AVPR1A: variants seen among roughly 807,000 people sequenced by gnomAD.
AVPR1A encodes vasopressin V1a receptor.
In AVPR1A, 31 loss-of-function variants were observed where a neutral mutation model predicts 31.5. That is an observed-to-expected ratio of 0.99 (90% CI 0.74 to 1.33). AVPR1A has a LOEUF of 1.33. Among genes scored for constraint, AVPR1A ranks in the 40% most tolerant of loss-of-function variants. The pLI is 0.00. For synonymous variants in AVPR1A, 243 were observed against 233.2 expected, an observed-to-expected ratio of 1.04 and a Z score of -0.38; for missense variants, 570 against 575.2, an observed-to-expected ratio of 0.99 and a Z score of 0.09.
chr12:63,150,815 C>T lies in AVPR1A; in HGVS notation c.22G>A (p.Asp8Asn), dbSNP rs778188513. 2 of 1,589,448 alleles carry T rather than the reference C, an allele frequency of 1.3e-6. No homozygotes were observed. Among genetic ancestry groups the T allele is most frequent in the South Asian group, 1.1e-5 (1 of 90,512 alleles). Residue 8 changes from aspartate (D) to asparagine (N), a missense_variant, in exon 1 of 2, where the codon GAC becomes AAC. By Grantham distance (23) the Asp-to-Asn change is conservative. Transcript: ENST00000299178. The surrounding 1 kb of genome is among the most constrained non-coding windows in gnomAD (Gnocchi z 4.9). The stretch of plus-strand genomic sequence containing the variant: ...CTGGAGTTGCCCGAGGGCCCCGCGT[C>T]GGGACCGGCGGAGAGACGCATGCTG... MRLSAGP[D>N]AGPSGNSSPW... is the part of the protein sequence containing the mutation.
At position 63,145,511 on chromosome 12, in the gene AVPR1A, G is replaced by A. The variant is rs1171837970; in HGVS notation, c.*1848C>T. ...GTGGTGGCACATGCATATAGTCCCA[G>A]CTACTCGGGAGGCTGAGGCAGGAGA... On this transcript the variant is annotated 3_prime_UTR_variant, in exon 2 of 2. Transcript: ENST00000299178. The A allele has an allele frequency of 2.9e-6, 1 of 347,910 alleles. No individual in the cohort carries two copies. Among genetic ancestry groups the A allele is most frequent in the Non-Finnish European group, 5.5e-6 (1 of 180,416 alleles). The allele number at this position is 347,910 out of a possible 1,614,324, so 21.6% of individuals were successfully genotyped here.
In AVPR1A at chr12:63,146,925, CAT is replaced by C. The variant is rs1458445392; in HGVS notation, c.*432_*433del. On this transcript the variant is annotated 3_prime_UTR_variant, in exon 2 of 2. Coordinates refer to ENST00000299178, the MANE Select transcript of AVPR1A (RefSeq NM_000706.5). ...ACAAATTAATTTTAATGGATGAAAA[CAT>C]AATTTCTCTGAAGTTTTCTCTGAAT... The C allele has an allele frequency of 1.2e-5, 2 of 165,928 alleles. No individual in the cohort carries two copies. Among genetic ancestry groups the C allele is most frequent in the Non-Finnish European group, 2.6e-5 (2 of 75,786 alleles). 10.3% of individuals were successfully genotyped at this position (165,928 alleles called of 1,614,324 possible). A position where few individuals can be genotyped will look rare whatever the true frequency, so the allele number is the denominator to read the frequency against.
In AVPR1A at chr12:63,145,632, A is replaced by G. The variant is rs915862351; in HGVS notation, c.*1727T>C. 1.1e-5 allele frequency: 2 copies of G among 177,904 alleles called. No homozygotes were observed. Among genetic ancestry groups the G allele is most frequent in the African/African-American group, 2.4e-5 (1 of 42,060 alleles). 11.0% of individuals were successfully genotyped at this position (177,904 alleles called of 1,614,324 possible). A position where few individuals can be genotyped will look rare whatever the true frequency, so the allele number is the denominator to read the frequency against. ...GAGCAAGACTCTGTTTCAAAAAAAA[A>G]AAAAGCAACTATTACTTCCTCTTAA... On this transcript the variant is annotated 3_prime_UTR_variant, in exon 2 of 2. Transcript: ENST00000299178.
At position 63,150,569 on chromosome 12, in the gene AVPR1A, T is replaced by G; in HGVS notation, c.268A>C (p.Ile90Leu). ...PRKTSRMHLF[I>L]RHLSLADLAV... ...AGGTCGGCCAGGCTGAGGTGTCGGATGAAGAGGTGCATGCGGGACGTCTTG... is the reference window on the plus strand; with the variant it reads ...AGGTCGGCCAGGCTGAGGTGTCGGAGGAAGAGGTGCATGCGGGACGTCTTG... The change falls in exon 1 of 2, where the codon ATC (isoleucine) becomes CTC (leucine). Residue 90 changes from isoleucine to leucine, a missense_variant. Physicochemically the swap from Ile to Leu is conservative, Grantham distance 5. Transcript: ENST00000299178. The surrounding 1 kb of genome is among the most constrained non-coding windows in gnomAD (Gnocchi z 4.9). 1 of 1,612,618 alleles carries G rather than the reference T, an allele frequency of 6.2e-7. No individual in the cohort carries two copies. The highest frequency in any genetic ancestry group is 1.6e-4 in the Middle Eastern group (1 of 6,062).
Position 63,150,348 on chromosome 12 carries a change from G to T in AVPR1A, c.489C>A (p.Pro163=), listed in dbSNP as rs745537191. The T allele has an allele frequency of 7.4e-6, 12 of 1,613,768 alleles. No homozygotes were observed. Among genetic ancestry groups the T allele is most frequent in the Non-Finnish European group, 8.5e-6 (10 of 1,180,012 alleles). Residue 163 remains proline, a synonymous_variant, in exon 1 of 2, where the codon CCC becomes CCA. Transcript: ENST00000299178. The surrounding 1 kb of genome is among the most constrained non-coding windows in gnomAD (Gnocchi z 4.9). ...CGATCATGAGGCGCGAGCGGCGCGC[G>T]GGCTGTTGCAGAGTCTTGAGCGGGT... ...VCHPLKTLQQ[P]ARRSRLMIAA... is the part of the protein sequence containing the mutation.
Position 63,150,886 on chromosome 12 carries a change from G to A in AVPR1A, c.-50C>T, listed in dbSNP as rs911028867. The stretch of plus-strand genomic sequence containing the variant: ...CCCTCTTCGGAGCTCCAGCCCTCGC[G>A]GGCCGCTCCCTCCCCGTCTCGGAGG... On this transcript the variant is annotated 5_prime_UTR_variant, in exon 1 of 2. Coordinates refer to ENST00000299178, the MANE Select transcript of AVPR1A (RefSeq NM_000706.5). The surrounding 1 kb of genome is among the most constrained non-coding windows in gnomAD (Gnocchi z 4.9). 1 of 1,462,104 alleles carries A rather than the reference G, an allele frequency of 6.8e-7. No individual in the cohort carries two copies. The highest frequency in any genetic ancestry group is 1.4e-5 in the South Asian group (1 of 71,334). 90.6% of individuals were successfully genotyped at this position (1,462,104 alleles called of 1,614,324 possible). A position where few individuals can be genotyped will look rare whatever the true frequency, so the allele number is the denominator to read the frequency against.
At position 63,144,593 on chromosome 12, in the gene AVPR1A, C is replaced by T. The variant is rs149808818; in HGVS notation, c.*2766G>A. ...TCAAGAAAAGGAAAACTTCCCTTCCCGGAATACTTTTTCAGTTTCTCTTCT... is the reference window on the plus strand; with the variant it reads ...TCAAGAAAAGGAAAACTTCCCTTCCTGGAATACTTTTTCAGTTTCTCTTCT... On this transcript the variant is annotated 3_prime_UTR_variant, in exon 2 of 2. Coordinates refer to ENST00000299178, the MANE Select transcript of AVPR1A (RefSeq NM_000706.5). The T allele has an allele frequency of 4.6e-5, 7 of 152,260 alleles. No homozygotes were observed. The highest frequency in any genetic ancestry group is 9.6e-5 in the African/African-American group (4 of 41,564). The allele number at this position is 152,260 out of a possible 1,614,324, so 9.4% of individuals were successfully genotyped here. A position where few individuals can be genotyped will look rare whatever the true frequency, so the allele number is the denominator to read the frequency against.
rs1868339781 is a variant in AVPR1A, at chr12:63,144,089, T to A, written c.*3270A>T. 1 of 148,860 alleles carries A rather than the reference T, an allele frequency of 6.7e-6. No individual in the cohort carries two copies. The highest frequency in any genetic ancestry group is 1.5e-5 in the Non-Finnish European group (1 of 67,872). The allele number at this position is 148,860 out of a possible 1,614,324, so 9.2% of individuals were successfully genotyped here. A position where few individuals can be genotyped will look rare whatever the true frequency, so the allele number is the denominator to read the frequency against. On this transcript the variant is annotated 3_prime_UTR_variant, in exon 2 of 2. Transcript: ENST00000299178. ...GTAATAAGCTTGGCAGGGTCCTGTG[T>A]ATCATTAAGACTGCTTAGTATTTTT...
Position 63,150,437 on chromosome 12 carries a change from C to A in AVPR1A, c.400G>T (p.Gly134Cys), listed in dbSNP as rs769533111. 6.2e-7 allele frequency: 1 copy of A among 1,613,524 alleles called. No individual in the cohort carries two copies. The highest frequency in any genetic ancestry group is 8.5e-7 in the Non-Finnish European group (1 of 1,179,864). The change falls in exon 1 of 2, where the codon GGC (glycine) becomes TGC (cysteine). Residue 134 changes from glycine to cysteine, a missense_variant. Coordinates refer to ENST00000299178, the MANE Select transcript of AVPR1A (RefSeq NM_000706.5). This position sits in a 1 kb window ranked among gnomAD's most constrained non-coding sequence, Gnocchi z 4.9. Reference sequence around the variant, plus strand: ...AGCATGTAGGCCGACGCAAACATGCCGAACACCTGCAGGTGCTTCACCACG... The same window carrying A: ...AGCATGTAGGCCGACGCAAACATGCAGAACACCTGCAGGTGCTTCACCACG... The part of the protein sequence containing the change: ...CRVVKHLQVF[G>C]MFASAYMLVV...
In AVPR1A at chr12:63,144,866, G is replaced by C. The variant is rs10784339; in HGVS notation, c.*2493C>G. On this transcript the variant is annotated 3_prime_UTR_variant, in exon 2 of 2. Transcript: ENST00000299178. ...ACATTTAAAAGGAGAAAATACAACT[G>C]GGTAGGGTGATATGCACTTTTTTTT... The C allele has an allele frequency of 0.28, 42,354 of 152,810 alleles. 8,035 individuals carry two copies. The highest frequency in any genetic ancestry group is 0.54 in the African/African-American group (22,356 of 41,462). 9.5% of individuals were successfully genotyped at this position (152,810 alleles called of 1,614,324 possible).
rs1868441783 is a variant in AVPR1A at position 63,150,239 on chromosome 12, C to T, written c.598G>A (p.Ala200Thr). ...SMIEVNNVTKARDCWATFIQP... is the reference protein window; with the variant it reads ...SMIEVNNVTKTRDCWATFIQP... ...ATGAAGGTGGCCCAGCAGTCGCGGG[C>T]CTTGGTGACATTGTTCACCTCGATC... Residue 200 changes from alanine to threonine, a missense_variant, in exon 1 of 2, where the codon GCC becomes ACC. Physicochemically the swap from Ala to Thr is moderately conservative, Grantham distance 58 (BLOSUM62 0). Transcript: ENST00000299178. The surrounding 1 kb of genome is among the most constrained non-coding windows in gnomAD (Gnocchi z 4.9). 2 of 1,613,902 alleles carry T rather than the reference C, an allele frequency of 1.2e-6. No homozygotes were observed. Among genetic ancestry groups the T allele is most frequent in the Non-Finnish European group, 8.5e-7 (1 of 1,180,046 alleles).
rs1160429382 is a variant in AVPR1A at position 63,147,443 on chromosome 12, AT to A, written c.1172del (p.Asn391IlefsTer36). 1 of 1,614,088 alleles carries A rather than the reference AT, an allele frequency of 6.2e-7. No homozygotes were observed. On this transcript the variant is annotated frameshift_variant, in exon 2 of 2. Transcript: ENST00000299178. LOFTEE classifies it high-confidence loss of function. ...MSRRQTFYSNNRSPTNSTGMW... is the reference protein window; with the variant it reads ...MSRRQTFYSNXRSPTNSTGMW... Reference sequence around the variant, plus strand: ...TACCCGTACTGTTTGTTGGGCTTCGATTGTTAGAATAAAAAGTCTGTCTTCT... The same window carrying A: ...TACCCGTACTGTTTGTTGGGCTTCGATGTTAGAATAAAAAGTCTGTCTTCT...
In AVPR1A at chr12:63,150,104, AC is replaced by A. The variant is rs763805398; in HGVS notation, c.732del (p.Trp244CysfsTer36). 2.9e-5 allele frequency: 46 copies of A among 1,613,892 alleles called. No homozygotes were observed. Among genetic ancestry groups the A allele is most frequent in the Admixed American group, 1.0e-4 (6 of 60,002 alleles). ...GACGCCGTCTTCCCGCGGACGTTGC[AC>A]CAGATGTTGTAGCAGATGAAGCCGT... The part of the protein sequence containing the change: ...TCYGFICYNI[W>X]CNVRGKTASR... On this transcript the variant is annotated frameshift_variant, in exon 1 of 2. Coordinates refer to ENST00000299178, the MANE Select transcript of AVPR1A (RefSeq NM_000706.5). LOFTEE classifies it high-confidence loss of function. This position sits in a 1 kb window ranked among gnomAD's most constrained non-coding sequence, Gnocchi z 4.9.
intron 1 of AVPR1A, among the ~76,000 whole-genome samples, chr12:63,148,059 C>A (rs1868384288): frequency 6.6e-6 from 1 of 152,016 alleles, no homozygotes; most frequent in South Asian, 2.1e-4. Flanking sequence ...TTGTATTTAT[C>A]CTAATAACTC....
chr12:63,150,371 G>T lies in AVPR1A; in HGVS notation c.466C>A (p.Pro156Thr). The T allele has an allele frequency of 1.2e-6, 2 of 1,613,898 alleles. No individual in the cohort carries two copies. Among genetic ancestry groups the T allele is most frequent in the Non-Finnish European group, 1.7e-6 (2 of 1,179,994 alleles). The change falls in exon 1 of 2, where the codon CCG becomes ACG. Residue 156 changes from proline (P) to threonine (T), a missense_variant. Physicochemically the swap from Pro to Thr is conservative, Grantham distance 38. Transcript: ENST00000299178. The surrounding 1 kb of genome is among the most constrained non-coding windows in gnomAD (Gnocchi z 4.9). ...TADRYIAVCH[P>T]LKTLQQPARR... ...GCGGGCTGTTGCAGAGTCTTGAGCG[G>T]GTGGCACACCGCGATGTAGCGGTCG...
intron 1 of AVPR1A, among the ~76,000 whole-genome samples, 192 bp downstream of exon 1, chr12:63,149,675 G>T (rs1190625277): frequency 6.7e-6 from 1 of 149,936 alleles, no homozygotes; most frequent in Non-Finnish European, 1.5e-5. Context: ...TTTTTAAACA[G>T]TGTTCCTCCA....
rs1312488536 is a variant in AVPR1A, at chr12:63,150,551, C to T, written c.286G>A (p.Ala96Thr). The T allele has an allele frequency of 3.7e-6, 6 of 1,612,734 alleles. No individual in the cohort carries two copies. The highest frequency in any genetic ancestry group is 5.1e-6 in the Non-Finnish European group (6 of 1,179,872). The change falls in exon 1 of 2, where the codon GCC becomes ACC. Residue 96 changes from alanine (A) to threonine (T), a missense_variant. Ala to Thr is a moderately conservative substitution (Grantham distance 58). Coordinates refer to ENST00000299178, the MANE Select transcript of AVPR1A (RefSeq NM_000706.5). This position sits in a 1 kb window ranked among gnomAD's most constrained non-coding sequence, Gnocchi z 4.9. ...MHLFIRHLSL[A>T]DLAVAFFQVL... is the part of the protein sequence containing the mutation. Reference sequence around the variant, plus strand: ...TGGAAGAATGCCACGGCCAGGTCGGCCAGGCTGAGGTGTCGGATGAAGAGG... The same window carrying T: ...TGGAAGAATGCCACGGCCAGGTCGGTCAGGCTGAGGTGTCGGATGAAGAGG...
Position 63,149,994 on chromosome 12 carries a change from G to C in AVPR1A, c.843C>G (p.Ser281=), listed in dbSNP as rs774865350. 1 of 1,614,124 alleles carries C rather than the reference G, an allele frequency of 6.2e-7. No homozygotes were observed. Among genetic ancestry groups the C allele is most frequent in the South Asian group, 1.1e-5 (1 of 91,078 alleles). Residue 281 remains serine (S), a synonymous_variant, in exon 1 of 2, where the codon TCC becomes TCG. Coordinates refer to ENST00000299178, the MANE Select transcript of AVPR1A (RefSeq NM_000706.5). ...CCGTGCGGATCTTGGCCCGGGAAATGGACTTCACGCTGCTGACACAGGGTG... is the reference window on the plus strand; with the variant it reads ...CCGTGCGGATCTTGGCCCGGGAAATCGACTTCACGCTGCTGACACAGGGTG... ...LLAPCVSSVK[S]ISRAKIRTVK...
Position 63,147,476 on chromosome 12 carries a change from A to C in AVPR1A, c.1140T>G (p.Ser380Arg). ...KEKFNKEDTDSMSRRQTFYSN... is the reference protein window; with the variant it reads ...KEKFNKEDTDRMSRRQTFYSN... ...AATAAAAAGTCTGTCTTCTGCTCAT[A>C]CTGTCAGTATCTTCTTTGTTGAATT... The change falls in exon 2 of 2, where the codon AGT becomes AGG. Residue 380 changes from serine (S) to arginine (R), a missense_variant. Coordinates refer to ENST00000299178, the MANE Select transcript of AVPR1A (RefSeq NM_000706.5). The C allele has an allele frequency of 1.2e-6, 2 of 1,614,136 alleles. No homozygotes were observed. Among genetic ancestry groups the C allele is most frequent in the South Asian group, 1.1e-5 (1 of 91,084 alleles).
Sources: allele counts gnomAD v4.1 joint callset (sites outside exome capture counted in the v4.1 genomes callset), GRCh38; gene constraint gnomAD v4.1.1; non-coding constraint Gnocchi (gnomAD v3.1); transcripts MANE v1.5; gene names NCBI Gene and HGNC (gene_info 2026-07-23, HGNC 2026-07-21).